FLRT1: variants seen among roughly 807,000 people sequenced by gnomAD.
FLRT1 encodes the protein fibronectin leucine rich transmembrane protein 1, also known as leucine-rich repeat transmembrane protein FLRT1.
FLRT1 carries 14 observed loss-of-function variants against 30.9 expected under a neutral mutation model. The observed-to-expected ratio is 0.45, with a 90% confidence interval of 0.30 to 0.71. FLRT1 has a LOEUF of 0.71. Ranked by LOEUF, FLRT1 falls within the 30% of genes least tolerant of loss-of-function variation. The probability of loss-of-function intolerance (pLI) is 0.08; values close to 1 mark genes in which losing one functional copy is unlikely to be tolerated. For missense variants in FLRT1, 737 were observed against 949.2 expected, an observed-to-expected ratio of 0.78 and a Z score of 2.94; for synonymous variants, 368 against 430.4, an observed-to-expected ratio of 0.85 and a Z score of 1.80.
chr11:64,072,058 G>C (rs187394017), intron 1 of FLRT1, among the ~76,000 whole-genome samples: 2 of 151,770 alleles, frequency 1.3e-5, no homozygotes, highest in African/African-American at 4.8e-5. Flanking sequence ...AATCCTCCCG[G>C]CAGACAAGAT....
rs190992220 is a variant in FLRT1, at chr11:64,063,902, C to T, written c.-1038+27743C>T. Reference sequence around the variant, plus strand: ...GAGAGGGTGGTGGAGGGGGACCAGCCGGGCCCTCCCCAGTGAGCTGCGGAG... The same window carrying T: ...GAGAGGGTGGTGGAGGGGGACCAGCTGGGCCCTCCCCAGTGAGCTGCGGAG... On this transcript the variant is annotated intron_variant, in intron 1 of 2. Coordinates refer to ENST00000682287, the MANE Select transcript of FLRT1 (RefSeq NM_013280.5). Among the ~76,000 whole-genome samples the T allele has an allele frequency of 8.9e-4, 135 of 152,316 alleles. No homozygotes were observed. In the Middle Eastern group the frequency reaches 0.01, roughly 12 times the overall value.
At position 64,117,251 on chromosome 11, in the gene FLRT1, C is replaced by T. The variant is rs200363178; in HGVS notation, c.984C>T (p.Asn328=). ...GNLAQLLLRN[N]PWFCGCNLMW... ...TGGCCCAGCTGCTGCTCAGGAACAA[C>T]CCTTGGTTTTGTGGCTGCAACCTCA... The change falls in exon 3 of 3, where the codon AAC becomes AAT. Residue 328 remains asparagine (N), a synonymous_variant. Transcript: ENST00000682287. 15 of 1,614,106 alleles carry T rather than the reference C, an allele frequency of 9.3e-6. No individual in the cohort carries two copies. The highest frequency in any genetic ancestry group is 3.3e-5 in the Admixed American group (2 of 60,018).
intron 1 of FLRT1, among the ~76,000 whole-genome samples, chr11:64,089,225 C>T (rs368504729): frequency 1.3e-4 from 20 of 152,266 alleles, no homozygotes; most frequent in Middle Eastern, 6.8e-3. Flanking sequence ...CATTGCACCG[C>T]GGAGGTGAGG....
At chr11:64,111,834 G>A (rs12281255) in intron 2 of FLRT1, among the ~76,000 whole-genome samples, 7 of 152,230 alleles carry the variant, frequency 4.6e-5, no homozygotes, top group Admixed American at 1.3e-4. Context: ...GGTCAGATAA[G>A]GGTCAGAGCA....
At chr11:64,048,180 C>G (rs895978315) in intron 1 of FLRT1, among the ~76,000 whole-genome samples, 2 of 152,236 alleles carry the variant, frequency 1.3e-5, no homozygotes, top group African/African-American at 4.8e-5. Flanking sequence ...ACTGGCCTCT[C>G]AGACAGACAG....
intron 1 of FLRT1, among the ~76,000 whole-genome samples, chr11:64,100,212 T>C (rs1442583800): frequency 2.0e-5 from 3 of 152,098 alleles, no homozygotes; most frequent in Admixed American, 1.3e-4. Context: ...AGGTGCATTG[T>C]CCCCTGGCAT....
chr11:64,073,050 C>G (rs1233763395), intron 1 of FLRT1, among the ~76,000 whole-genome samples: 1 of 152,206 alleles, frequency 6.6e-6, no homozygotes, highest in African/African-American at 2.4e-5. Context: ...GCAGGCCCAG[C>G]TCCTGACGGC....
intron 1 of FLRT1, among the ~76,000 whole-genome samples, chr11:64,075,171 C>A (rs1000111039): frequency 6.6e-6 from 1 of 152,198 alleles, no homozygotes; most frequent in Non-Finnish European, 1.5e-5. Flanking sequence ...CACAGGGCAG[C>A]GCATGAGGGT....
At chr11:64,054,732 G>A (rs1299651703) in intron 1 of FLRT1, among the ~76,000 whole-genome samples, 1 of 152,068 alleles carries the variant, frequency 6.6e-6, no homozygotes, top group Admixed American at 6.6e-5. Flanking sequence ...AAACTTCCTT[G>A]TTTCCTGCCT....
intron 1 of FLRT1, among the ~76,000 whole-genome samples, chr11:64,071,142 C>T (rs575066294): frequency 1.3e-5 from 2 of 152,246 alleles, no homozygotes; most frequent in African/African-American, 4.8e-5. Flanking sequence ...ACTCATCCTT[C>T]CCCAGAGCCC....
intron 1 of FLRT1, among the ~76,000 whole-genome samples, chr11:64,087,840 C>T (rs1194046473): frequency 6.6e-6 from 1 of 152,228 alleles, no homozygotes; most frequent in Non-Finnish European, 1.5e-5. Flanking sequence ...AGACCACTCT[C>T]CTGGGGGCTG....
chr11:64,116,893 G>C lies in FLRT1; in HGVS notation c.626G>C (p.Arg209Pro). The change falls in exon 3 of 3, where the codon CGC (arginine) becomes CCC (proline). Residue 209 changes from arginine to proline, a missense_variant. Physicochemically the swap from Arg to Pro is moderately radical, Grantham distance 103. Transcript: ENST00000682287. ...GAGGAGCTGCGGCTGGATGACAACC[G>C]CATCTCCACCATCCCGCTGCATGCC... ...TLEELRLDDN[R>P]ISTIPLHAFK... The C allele has an allele frequency of 6.2e-7, 1 of 1,611,340 alleles. No homozygotes were observed. The highest frequency in any genetic ancestry group is 8.5e-7 in the Non-Finnish European group (1 of 1,179,974).
intron 1 of FLRT1, among the ~76,000 whole-genome samples, chr11:64,058,408 G>T (rs897905058): frequency 6.6e-6 from 1 of 152,274 alleles, no homozygotes; most frequent in African/African-American, 2.4e-5. Flanking sequence ...GGGCTTGGGG[G>T]GGGGTCCTCC....
At chr11:64,094,727 C>A (rs1944547982) in intron 1 of FLRT1, among the ~76,000 whole-genome samples, 1 of 152,216 alleles carries the variant, frequency 6.6e-6, no homozygotes, top group Non-Finnish European at 1.5e-5. Flanking sequence ...AGGCCAGAGG[C>A]CTCTCAATGC....
intron 2 of FLRT1, among the ~76,000 whole-genome samples, chr11:64,108,177 G>A (rs1275265728): frequency 6.6e-6 from 1 of 152,088 alleles, no homozygotes; most frequent in Non-Finnish European, 1.5e-5. Context: ...GTGGGGCGTG[G>A]TGGTGCATGC....
rs2134622431 is a variant in FLRT1, at chr11:64,117,583, T to C, written c.1316T>C (p.Leu439Pro). The C allele has an allele frequency of 6.2e-7, 1 of 1,611,740 alleles. No individual in the cohort carries two copies. The highest frequency in any genetic ancestry group is 8.5e-7 in the Non-Finnish European group (1 of 1,178,718). ...GCCACGGGTGATGGCGCCAAGACCC[T>C]GGCCATCCACGTGAAGGCCCTGACG... ...PMATGDGAKT[L>P]AIHVKALTAD... is the part of the protein sequence containing the mutation. Residue 439 changes from leucine (L) to proline (P), a missense_variant, in exon 3 of 3, where the codon CTG becomes CCG. Transcript: ENST00000682287.
In FLRT1 at chr11:64,116,510, T is replaced by C; in HGVS notation, c.243T>C (p.Asp81=). The C allele has an allele frequency of 6.2e-7, 1 of 1,614,002 alleles. No homozygotes were observed. The highest frequency in any genetic ancestry group is 1.6e-4 in the Middle Eastern group (1 of 6,062). ...GLTSIPADIP[D]DATTLYLQNN... ...CATCCATCCCCGCAGATATCCCTGA[T>C]GATGCCACCACCCTCTACCTGCAGA... is the stretch of plus-strand genomic sequence containing the variant. Residue 81 remains aspartate (D), a synonymous_variant, in exon 3 of 3, where the codon GAT becomes GAC. Transcript: ENST00000682287.
Position 64,117,826 on chromosome 11 carries a change from A to G in FLRT1, c.1559A>G (p.Glu520Gly). 1 of 1,614,214 alleles carries G rather than the reference A, an allele frequency of 6.2e-7. No homozygotes were observed. The highest frequency in any genetic ancestry group is 8.5e-7 in the Non-Finnish European group (1 of 1,180,052). ...METSNAYVAD[E>G]TPVCAKAETA... ...ACCAGCAATGCCTACGTAGCTGATG[A>G]GACACCCGTGTGTGCCAAGGCAGAG... The change falls in exon 3 of 3, where the codon GAG becomes GGG. Residue 520 changes from glutamate to glycine, a missense_variant. By Grantham distance (98) the Glu-to-Gly change is moderately conservative. Transcript: ENST00000682287.
At chr11:64,101,609 C>G (rs1411809240) in intron 1 of FLRT1, among the ~76,000 whole-genome samples, 1 of 152,178 alleles carries the variant, frequency 6.6e-6, no homozygotes, top group East Asian at 1.9e-4. Context: ...TTCCATCTCT[C>G]GCTTTCATGG....
Sources: gnomAD v4.1 joint callset for allele counts (sites outside exome capture counted in the v4.1 genomes callset) on GRCh38, gnomAD v4.1.1 for gene constraint, MANE v1.5 for transcripts, NCBI Gene and HGNC (gene_info 2026-07-23, HGNC 2026-07-21) for gene names.